LDAF1: variants seen among roughly 807,000 people sequenced by gnomAD.
LDAF1 encodes PROMETHIN.
Under a neutral mutation model 13.5 loss-of-function variants are expected in LDAF1, and 7 were observed. The observed-to-expected ratio is 0.52, with a 90% CI of 0.29 to 0.97. LDAF1 has a LOEUF of 0.97. Ranked by LOEUF, LDAF1 falls within the 50% of genes least tolerant of loss-of-function variation. The probability of loss-of-function intolerance (pLI) is 0.07; values close to 1 mark genes in which losing one functional copy is unlikely to be tolerated. For missense variants in LDAF1, 148 were observed against 193.2 expected (o/e 0.77, Z 1.39); for synonymous variants, 69 against 77.1 (o/e 0.89, Z 0.55).
chr16:21,172,732 A>G (rs745594824), intron 3 of LDAF1: 32 of 509,240 alleles, frequency 6.3e-5, no homozygotes, highest in Non-Finnish European at 6.8e-5. Flanking sequence ...ATTTTTCACG[A>G]GCTTCCTTGA....
At chr16:21,168,474 C>T (rs1468221363) in intron 2 of LDAF1, among the ~76,000 whole-genome samples, 1 of 148,032 alleles carries the variant, frequency 6.8e-6, no homozygotes, top group Non-Finnish European at 1.5e-5. Flanking sequence ...GCTTTTAATG[C>T]TTAATAATGC....
chr16:21,168,709 T>TTA (rs1202941411), intron 2 of LDAF1, among the ~76,000 whole-genome samples: 2 of 130,324 alleles, frequency 1.5e-5, no homozygotes, highest in Non-Finnish European at 3.1e-5. Context: ...TTATATATAA[T>TTA]TATATATATA....
rs1319178757 is a variant in LDAF1 at position 21,167,699 on chromosome 16, T to TTTTTTTTGTTTG, written c.97-2731_97-2730insGTTTGTTTTTTT. Among the ~76,000 whole-genome samples, 1,185 of 138,650 alleles carry TTTTTTTTGTTTG rather than the reference T, an allele frequency of 8.5e-3. 82 individuals carry two copies. The highest frequency in any genetic ancestry group is 0.031 in the African/African-American group (1,137 of 37,180). The allele number at this position is 138,650 out of a possible 152,430, so 91.0% of individuals were successfully genotyped here. A position where few individuals can be genotyped will look rare whatever the true frequency, so the allele number is the denominator to read the frequency against. ...CTGAGTCCAAGACCTTAGGTTTGTT[T>TTTTTTTTGTTTG]TTTTTTTTTTGAAAAGGAGACTTGC... On this transcript the variant is annotated intron_variant, in intron 2 of 4. Transcript: ENST00000233047.
chr16:21,161,427 A>T, intron 2 of LDAF1, 149 bp downstream of exon 2: 1 of 927,166 alleles, frequency 1.1e-6, no homozygotes, highest in Non-Finnish European at 1.6e-6. Context: ...CTATGCTGTG[A>T]CCTTCAAACT....
At chr16:21,170,373 A>G in intron 2 of LDAF1, 64 bp from the exon 3 acceptor site, 2 of 1,600,804 alleles carry the variant, frequency 1.2e-6, no homozygotes, top group Non-Finnish European at 1.7e-6. Context: ...CAGCTTGGGC[A>G]GATTCATTCA....
At chr16:21,173,986 C>T (rs2093114875) in intron 3 of LDAF1, 24 bp from the exon 4 acceptor site, 6 of 1,604,800 alleles carry the variant, frequency 3.7e-6, no homozygotes, top group South Asian at 1.1e-5. Context: ...ATGAACCCTT[C>T]TCCTAACCAC....
Position 21,161,260 on chromosome 16 carries a change from C to A in LDAF1, c.78C>A (p.Ser26=). 6.2e-7 allele frequency: 1 copy of A among 1,614,200 alleles called. No homozygotes were observed. Among genetic ancestry groups the A allele is most frequent in the East Asian group, 2.2e-5 (1 of 44,892 alleles). Residue 26 remains serine (S), a synonymous_variant, in exon 2 of 5, where the codon TCC becomes TCA. Coordinates refer to ENST00000233047, the MANE Select transcript of LDAF1 (RefSeq NM_001301771.2). ...AGAAGCTGTCTCTGCTGATAGACTC[C>A]TTCCAGAATAACTCAAAGGTCAGTT... ...LQKKLSLLID[S]FQNNSKVVAF...
intron 3 of LDAF1, chr16:21,172,972 T>C (rs939904489): frequency 4.0e-5 from 11 of 277,140 alleles, no homozygotes; most frequent in Admixed American, 6.5e-5. Flanking sequence ...GCCATGTTAC[T>C]TGTTCTTCAT....
intron 2 of LDAF1, among the ~76,000 whole-genome samples, chr16:21,164,191 A>C (rs1313415129): frequency 6.6e-6 from 1 of 152,126 alleles, no homozygotes; most frequent in African/African-American, 2.4e-5. Flanking sequence ...CCTTTGTCTG[A>C]CCTTGGGCAA....
intron 2 of LDAF1, among the ~76,000 whole-genome samples, chr16:21,167,509 T>C (rs2093035324): frequency 6.6e-6 from 1 of 152,202 alleles, no homozygotes; most frequent in African/African-American, 2.4e-5. Context: ...TCTCCCTCCA[T>C]TGAGTCAGAT....
intron 2 of LDAF1, among the ~76,000 whole-genome samples, chr16:21,168,555 A>T (rs939671273): frequency 4.8e-5 from 7 of 145,244 alleles, no homozygotes; most frequent in African/African-American, 1.7e-4. Context: ...ACATATTATA[A>T]TTATATACAT....
Position 21,165,472 on chromosome 16 carries a change from C to T in LDAF1, c.96+4194C>T, listed in dbSNP as rs117148816. On this transcript the variant is annotated intron_variant, in intron 2 of 4. Coordinates refer to ENST00000233047, the MANE Select transcript of LDAF1 (RefSeq NM_001301771.2). The stretch of plus-strand genomic sequence containing the variant: ...AAGGACTGAAGTGGAACAGTCTTGC[C>T]TGTTTCCTTTTATATCCCTGTGCCA... 6.5e-3 allele frequency: 3,223 copies of T among 493,660 alleles called. 14 individuals carry two copies. Among genetic ancestry groups the T allele is most frequent in the Non-Finnish European group, 8.0e-3 (3,043 of 381,708 alleles). 30.6% of individuals were successfully genotyped at this position (493,660 alleles called of 1,614,324 possible).
intron 2 of LDAF1, chr16:21,166,993 C>A: frequency 7.4e-7 from 1 of 1,347,812 alleles, no homozygotes; most frequent in Non-Finnish European, 1.0e-6. Flanking sequence ...GGTGGGGTAG[C>A]AGGAGGCAGT....
chr16:21,159,867 A>G lies in LDAF1; in HGVS notation c.-99+1121A>G, dbSNP rs1046157936. ...CTCCGCTTGTTTCTGCTTGCTGCAGAGATGAGATTATGGGAACTGAGTGCT... is the reference window on the plus strand; with the variant it reads ...CTCCGCTTGTTTCTGCTTGCTGCAGGGATGAGATTATGGGAACTGAGTGCT... On this transcript the variant is annotated intron_variant, in intron 1 of 4. Coordinates refer to ENST00000233047, the MANE Select transcript of LDAF1 (RefSeq NM_001301771.2). 7 of 971,864 alleles carry G rather than the reference A, an allele frequency of 7.2e-6. No individual in the cohort carries two copies. The African/African-American group carries it at 1.2e-4, about 17-fold the overall frequency. 60.2% of individuals were successfully genotyped at this position (971,864 alleles called of 1,614,324 possible). A position where few individuals can be genotyped will look rare whatever the true frequency, so the allele number is the denominator to read the frequency against.
chr16:21,180,134 G>A lies in LDAF1; in HGVS notation c.*578G>A, dbSNP rs187649425. On this transcript the variant is annotated 3_prime_UTR_variant, in exon 5 of 5. Coordinates refer to ENST00000233047, the MANE Select transcript of LDAF1 (RefSeq NM_001301771.2). ...TAAAGGTGTAGTTTCCACTGTAACTGTTGAGTACTGTTAAGTACTGTTAAT... is the reference window on the plus strand; with the variant it reads ...TAAAGGTGTAGTTTCCACTGTAACTATTGAGTACTGTTAAGTACTGTTAAT... 7 of 153,876 alleles carry A rather than the reference G, an allele frequency of 4.5e-5. No homozygotes were observed. Among genetic ancestry groups the A allele is most frequent in the African/African-American group, 1.7e-4 (7 of 41,230 alleles). The allele number at this position is 153,876 out of a possible 1,614,324, so 9.5% of individuals were successfully genotyped here. A position where few individuals can be genotyped will look rare whatever the true frequency, so the allele number is the denominator to read the frequency against.
chr16:21,170,249 C>T (rs576665344), intron 2 of LDAF1, 188 bp from the exon 3 acceptor site: 82 of 960,654 alleles, frequency 8.5e-5, no homozygotes, highest in African/African-American at 1.1e-4. Context: ...GTGATCCGCT[C>T]GCCTTGGCCT....
intron 3 of LDAF1, 49 bp downstream of exon 3, chr16:21,170,654 AAAAAT>A: frequency 2.5e-6 from 4 of 1,608,746 alleles, no homozygotes; most frequent in Non-Finnish European, 3.4e-6. Context: ...CAATTGGGAG[AAAAAT>A]ACTTTTGGGG....
Position 21,173,996 on chromosome 16 carries a change from C to T in LDAF1, c.266-14C>T, listed in dbSNP as rs200572832. On this transcript the variant is annotated splice_polypyrimidine_tract_variant and intron_variant, in intron 3 of 4. Transcript: ENST00000233047. Reference sequence around the variant, plus strand: ...TTGAGATGAACCCTTCTCCTAACCACGTTCTCCTCCTAGGATTGGTCATCT... The same window carrying T: ...TTGAGATGAACCCTTCTCCTAACCATGTTCTCCTCCTAGGATTGGTCATCT... The T allele has an allele frequency of 8.9e-5, 143 of 1,607,436 alleles. 1 individual carries two copies. The highest frequency in any genetic ancestry group is 1.1e-4 in the Non-Finnish European group (125 of 1,177,546).
At chr16:21,166,318 A>G (rs1201994550) in intron 2 of LDAF1, among the ~76,000 whole-genome samples, 1 of 152,190 alleles carries the variant, frequency 6.6e-6, no homozygotes, top group Non-Finnish European at 1.5e-5. Context: ...TTTTCATTGG[A>G]AATATTTAAT....
Sources: gnomAD v4.1 joint callset for allele counts (sites outside exome capture counted in the v4.1 genomes callset) on GRCh38, gnomAD v4.1.1 for gene constraint, MANE v1.5 for transcripts, NCBI Gene and HGNC (gene_info 2026-07-23, HGNC 2026-07-21) for gene names.